The following CEP72 variants were observed in gnomAD, a reference collection of about 807,000 sequenced individuals.
The protein encoded by CEP72 is centrosomal protein of 72 kDa.
In CEP72, 78 loss-of-function variants were observed where a neutral mutation model predicts 65.7. That is an observed-to-expected ratio of 1.19 (90% CI 0.99 to 1.43). The LOEUF (loss-of-function observed/expected upper bound fraction) is 1.43. CEP72 is among the 40% of genes most tolerant of loss of function. CEP72 has a pLI of 0.00. For missense variants in CEP72, 914 were observed against 832.9 expected (o/e 1.10, Z -1.20); for synonymous variants, 358 against 351.7 (o/e 1.02, Z -0.20).
At chr5:665,827 C>A in intron 3 of CEP72, 1 of 988,642 alleles carries the variant, frequency 1.0e-6, no homozygotes, top group Admixed American at 2.6e-5. Flanking sequence ...GCCACGCCCT[C>A]CTGACCACGC....
At chr5:638,966 G>A in intron 7 of CEP72, 123 bp from the exon 8 acceptor site, 1 of 1,270,390 alleles carries the variant, frequency 7.9e-7, no homozygotes, top group Non-Finnish European at 1.1e-6. Context: ...CAGGGCTGGG[G>A]CCTCAGGGCA....
At chr5:626,649 G>C (rs1736776509) in intron 4 of CEP72, among the ~76,000 whole-genome samples, 1 of 152,120 alleles carries the variant, frequency 6.6e-6, no homozygotes, top group Non-Finnish European at 1.5e-5. Flanking sequence ...GTGAGACTCT[G>C]TCTGTAAGAA....
In CEP72 at chr5:620,085, C is replaced by T; in HGVS notation, c.227C>T (p.Thr76Ile). The T allele has an allele frequency of 6.2e-7, 1 of 1,605,774 alleles. No homozygotes were observed. Among genetic ancestry groups the T allele is most frequent in the Non-Finnish European group, 8.5e-7 (1 of 1,172,646 alleles). Residue 76 changes from threonine (T) to isoleucine (I), a missense_variant, in exon 3 of 12, where the codon ACT (threonine) becomes ATT (isoleucine). Thr to Ile is a moderately conservative substitution (Grantham distance 89, BLOSUM62 -1). Coordinates refer to ENST00000264935, the MANE Select transcript of CEP72 (RefSeq NM_018140.4). ...LVSLEGIQYL[T>I]ALESLNLYYN... Reference sequence around the variant, plus strand: ...TGTTGACAGGGCATTCAGTACCTGACTGCATTGGAGAGTCTCAATCTCTAC... The same window carrying T: ...TGTTGACAGGGCATTCAGTACCTGATTGCATTGGAGAGTCTCAATCTCTAC...
chr5:649,731 G>GT (rs1738810671), intron 11 of CEP72, among the ~76,000 whole-genome samples: 1 of 70,444 alleles, frequency 1.4e-5, no homozygotes, highest in Admixed American at 1.6e-4. Flanking sequence ...CGTGAGGCGT[G>GT]GACTGTGAGG....
At chr5:655,030 A>AT (rs1423648066), downstream of CEP72, among the ~76,000 whole-genome samples, 1 of 152,134 alleles carries the variant, frequency 6.6e-6, no homozygotes, top group Non-Finnish European at 1.5e-5. This position sits in a 1 kb window ranked among gnomAD's most constrained non-coding sequence, Gnocchi z 5.0. Flanking sequence ...TGTATAGTGA[A>AT]TTTTTTATAT....
At chr5:655,399 G>C (rs1262973693), downstream of CEP72, 1 of 151,944 alleles carries the variant, frequency 6.6e-6, no homozygotes, top group Non-Finnish European at 1.5e-5. This position sits in a 1 kb window ranked among gnomAD's most constrained non-coding sequence, Gnocchi z 5.0. Context: ...TTTTTCATTA[G>C]TTTTATATCC....
chr5:637,803 G>T lies in CEP72; in HGVS notation c.1191G>T (p.Val397=). 1 of 1,574,256 alleles carries T rather than the reference G, an allele frequency of 6.4e-7. No homozygotes were observed. Among genetic ancestry groups the T allele is most frequent in the South Asian group, 1.1e-5 (1 of 87,264 alleles). The part of the protein sequence containing the change: ...SETEEQRSRG[V]TDTREPSPGS... ...CTGAGGAGCAGAGGTCTCGGGGTGT[G>T]ACCGACACCAGAGAGGTGAGAGAAG... The change falls in exon 7 of 12, where the codon GTG becomes GTT. Residue 397 remains valine (V), a synonymous_variant. Coordinates refer to ENST00000264935, the MANE Select transcript of CEP72 (RefSeq NM_018140.4).
rs780494289 is a variant in CEP72, at chr5:633,883, C to T, written c.627C>T (p.Gly209=). ...TTGCAGAGTGCGAGTGGGACCTCGG[C>T]AGGCCTCCCGGGAGCACGAGCTTCA... is the stretch of plus-strand genomic sequence containing the variant. ...NLIAECEWDL[G]RPPGSTSFSQ... The change falls in exon 5 of 12, where the codon GGC becomes GGT. Residue 209 remains glycine (G), a synonymous_variant. Coordinates refer to ENST00000264935, the MANE Select transcript of CEP72 (RefSeq NM_018140.4). 5 of 1,613,430 alleles carry T rather than the reference C, an allele frequency of 3.1e-6. No homozygotes were observed. In the Admixed American group the frequency reaches 5.0e-5, roughly 16 times the overall value.
At chr5:671,495 C>T (rs1206340893), downstream of CEP72, among the ~76,000 whole-genome samples, 1 of 152,234 alleles carries the variant, frequency 6.6e-6, no homozygotes, top group African/African-American at 2.4e-5. Context: ...CTCAAATGAC[C>T]TGTGTTGCCT....
intron 3 of CEP72, among the ~76,000 whole-genome samples, chr5:620,571 G>A (rs913049800): frequency 4.6e-5 from 7 of 152,206 alleles, no homozygotes; most frequent in African/African-American, 9.7e-5. Context: ...ACTTGGGCAC[G>A]TTCCTGAACA....
At chr5:673,890 A>ACAGCCACC in the CEP72 span, among the ~76,000 whole-genome samples, 2 of 152,218 alleles carry the variant, frequency 1.3e-5, no homozygotes, top group Non-Finnish European at 2.9e-5. Context: ...CAAATGAGCC[A>ACAGCCACC]CAGCCACCCA....
chr5:658,415 C>T (rs1410862069), downstream of CEP72, among the ~76,000 whole-genome samples: 2 of 152,228 alleles, frequency 1.3e-5, no homozygotes, highest in South Asian at 2.1e-4. Flanking sequence ...AAGGCCACCT[C>T]AGCATCTGCC....
chr5:621,635 G>A (rs1038854522), intron 3 of CEP72, among the ~76,000 whole-genome samples: 9 of 152,232 alleles, frequency 5.9e-5, no homozygotes, highest in South Asian at 2.1e-4. Context: ...GCACCTAAGC[G>A]CCTCAGCGAG....
chr5:672,292 C>A, the CEP72 span, among the ~76,000 whole-genome samples: 274 of 151,332 alleles, frequency 1.8e-3, 1 homozygote, highest in African/African-American at 6.4e-3. Flanking sequence ...TGTTCTCAGT[C>A]TCCCACTGGC....
In CEP72 at chr5:624,439, C is replaced by A; in HGVS notation, c.404-32C>A. 6.4e-7 allele frequency: 1 copy of A among 1,561,178 alleles called. No homozygotes were observed. The highest frequency in any genetic ancestry group is 8.8e-7 in the Non-Finnish European group (1 of 1,131,796). ...GGATGCAGCCGCCCGCCGCTTGCCA[C>A]CTGCACAGTCTTGTGTGGCCTTTTC... On this transcript the variant is annotated intron_variant, in intron 3 of 11. Coordinates refer to ENST00000264935, the MANE Select transcript of CEP72 (RefSeq NM_018140.4). The surrounding 1 kb of genome is among the most constrained non-coding windows in gnomAD (Gnocchi z 4.7).
chr5:675,056 G>A, the CEP72 span, among the ~76,000 whole-genome samples: 1 of 97,626 alleles, frequency 1.0e-5, no homozygotes, highest in Non-Finnish European at 2.2e-5. Flanking sequence ...TATGGCTGGG[G>A]GTGCAGTGTG....
At chr5:665,410 C>T in intron 3 of CEP72, 1 of 958,116 alleles carries the variant, frequency 1.0e-6, no homozygotes, top group Non-Finnish European at 1.5e-6. Flanking sequence ...GGGCAAGGGG[C>T]ATAAACCCTG....
chr5:652,893 T>C (rs1739199243), intron 11 of CEP72, 95 bp from the exon 12 acceptor site: 2 of 1,361,714 alleles, frequency 1.5e-6, no homozygotes, highest in East Asian at 5.2e-5. Context: ...GGCACCTTCG[T>C]GCCCATGCAG....
chr5:652,662 ATCT>A (rs1198268912), intron 11 of CEP72, among the ~76,000 whole-genome samples: 2 of 152,318 alleles, frequency 1.3e-5, no homozygotes, highest in African/African-American at 2.4e-5. Context: ...GAAGTTTATC[ATCT>A]TCTCATAAAA....
Sources: allele counts gnomAD v4.1 joint callset (sites outside exome capture counted in the v4.1 genomes callset), GRCh38; gene constraint gnomAD v4.1.1; non-coding constraint Gnocchi (gnomAD v3.1); transcripts MANE v1.5; gene names NCBI Gene and HGNC (gene_info 2026-07-23, HGNC 2026-07-21).